The following RPS6KA2 variants were observed in gnomAD, a reference collection of about 807,000 sequenced individuals.
RPS6KA2 encodes the protein ribosomal protein S6 kinase alpha-2.
Under a neutral mutation model 91.8 loss-of-function variants are expected in RPS6KA2, and 42 were observed. That is an observed-to-expected ratio of 0.46 (90% CI 0.36 to 0.59). The LOEUF is 0.59. Among genes scored for constraint, RPS6KA2 ranks in the 20% least tolerant of loss-of-function variants. The pLI is 0.00. For missense variants in RPS6KA2, 798 were observed against 978.5 expected (o/e 0.82, Z 2.46); for synonymous variants, 414 against 393.6 (o/e 1.05, Z -0.61).
chr6:166,784,199 A>AT (rs1435493101), intron 2 of RPS6KA2, among the ~76,000 whole-genome samples: 224 of 1,814 alleles, frequency 0.12, 104 homozygotes, highest in East Asian at 1. Flanking sequence ...ACCTACGCAT[A>AT]ACCACATATG....
Position 166,551,264 on chromosome 6 carries a change from A to G in RPS6KA2, c.100-12480T>C, listed in dbSNP as rs951754385. Reference sequence around the variant, plus strand: ...CAATGTGAATGGTATTCTCCAATGCATAAATGAGATAATTGGGGCAATGGA... The same window carrying G: ...CAATGTGAATGGTATTCTCCAATGCGTAAATGAGATAATTGGGGCAATGGA... On this transcript the variant is annotated intron_variant, in intron 1 of 20. Transcript: ENST00000265678. 2.6e-5 allele frequency among the ~76,000 whole-genome samples: 4 copies of G among 152,242 alleles called. No individual in the cohort carries two copies. In the South Asian group the frequency reaches 8.3e-4, roughly 31 times the overall value.
intron 2 of RPS6KA2, among the ~76,000 whole-genome samples, chr6:166,771,685 G>A (rs933486740): frequency 1.3e-5 from 2 of 152,186 alleles, no homozygotes; most frequent in Non-Finnish European, 2.9e-5. Flanking sequence ...GAAGGAAGAA[G>A]CCAGAATTCA....
At chr6:166,646,133 GA>G (rs1217667036) in intron 2 of RPS6KA2, among the ~76,000 whole-genome samples, 1 of 152,192 alleles carries the variant, frequency 6.6e-6, no homozygotes, top group East Asian at 1.9e-4. Flanking sequence ...CTGAACCCAT[GA>G]CCCAGGGGTG....
chr6:166,424,322 GAAGT>G (rs140587071), intron 16 of RPS6KA2, among the ~76,000 whole-genome samples: 18,354 of 152,052 alleles, frequency 0.12, 3,470 homozygotes, highest in African/African-American at 0.41. Flanking sequence ...GGAAAACCTG[GAAGT>G]AAGTGCTTAA....
chr6:166,618,705 G>C (rs1465593339), intron 1 of RPS6KA2, among the ~76,000 whole-genome samples: 1 of 152,214 alleles, frequency 6.6e-6, no homozygotes, highest in African/African-American at 2.4e-5. Flanking sequence ...CCAAGCTTCG[G>C]GAGGGTAGGA....
At chr6:166,539,698 A>C (rs748575311) in intron 1 of RPS6KA2, among the ~76,000 whole-genome samples, 7 of 152,216 alleles carry the variant, frequency 4.6e-5, no homozygotes, top group Non-Finnish European at 1.0e-4. Context: ...TTTTCATCCC[A>C]GAGCTTCCTG....
intron 2 of RPS6KA2, among the ~76,000 whole-genome samples, chr6:166,667,486 G>C (rs1346898137): frequency 6.6e-6 from 1 of 152,210 alleles, no homozygotes; most frequent in Non-Finnish European, 1.5e-5. Flanking sequence ...CCTTGTGCCT[G>C]CCTTTGAATA....
At chr6:166,571,581 G>A (rs1423188485) in intron 1 of RPS6KA2, among the ~76,000 whole-genome samples, 3 of 152,098 alleles carry the variant, frequency 2.0e-5, no homozygotes, top group Non-Finnish European at 4.4e-5. Context: ...GGAATGAAAT[G>A]CACAGTTACA....
At chr6:166,750,286 A>G (rs1791237767) in intron 2 of RPS6KA2, among the ~76,000 whole-genome samples, 1 of 152,070 alleles carries the variant, frequency 6.6e-6, no homozygotes, top group Non-Finnish European at 1.5e-5. Context: ...GGGGGTGCTC[A>G]CCAGCCCAGG....
intron 1 of RPS6KA2, among the ~76,000 whole-genome samples, chr6:166,594,664 G>C (rs1477636731): frequency 1.3e-5 from 2 of 152,104 alleles, no homozygotes; most frequent in Non-Finnish European, 2.9e-5. Flanking sequence ...GAGCTTCACT[G>C]TGTTAGCCAG....
intron 2 of RPS6KA2, among the ~76,000 whole-genome samples, chr6:166,812,126 G>A (rs1012275698): frequency 3.9e-5 from 6 of 152,234 alleles, no homozygotes; most frequent in East Asian, 1.9e-4. Flanking sequence ...AGGCCAAGAC[G>A]GGAGGATCAA....
At chr6:166,483,486 C>T (rs1781304925) in intron 10 of RPS6KA2, among the ~76,000 whole-genome samples, 1 of 152,218 alleles carries the variant, frequency 6.6e-6, no homozygotes, top group Admixed American at 6.5e-5. Flanking sequence ...AAGGAAAAAT[C>T]AGGCCTGATT....
intron 2 of RPS6KA2, among the ~76,000 whole-genome samples, chr6:166,843,369 T>C (rs1780534662): frequency 6.6e-6 from 1 of 152,136 alleles, no homozygotes; most frequent in Admixed American, 6.5e-5. Context: ...ACCTGAATAC[T>C]TCAAAGGTGA....
intron 10 of RPS6KA2, among the ~76,000 whole-genome samples, chr6:166,477,993 G>GAA (rs1781040396): frequency 1.3e-5 from 2 of 152,238 alleles, no homozygotes; most frequent in African/African-American, 4.8e-5. Context: ...TGGCTCTCAT[G>GAA]TACGTTTGGA....
At chr6:166,679,774 GGGAGCTGGGGTTGCGA>G (rs1286124371) in intron 2 of RPS6KA2, among the ~76,000 whole-genome samples, 1 of 152,188 alleles carries the variant, frequency 6.6e-6, no homozygotes, top group Non-Finnish European at 1.5e-5. Context: ...CGGCGCGGGC[GGGAGCTGGGGTTGCGA>G]GTGGTGCTCA....
At chr6:166,800,441 TC>T (rs1373948785) in intron 2 of RPS6KA2, among the ~76,000 whole-genome samples, 3 of 152,266 alleles carry the variant, frequency 2.0e-5, no homozygotes, top group Admixed American at 6.5e-5. Context: ...AACACAAACG[TC>T]AGCATGACAG....
At chr6:166,789,235 C>CAGG (rs1779014108) in intron 2 of RPS6KA2, among the ~76,000 whole-genome samples, 1 of 152,218 alleles carries the variant, frequency 6.6e-6, no homozygotes, top group Non-Finnish European at 1.5e-5. Flanking sequence ...TCGGAGGGTC[C>CAGG]TACGCCCACG....
intron 10 of RPS6KA2, among the ~76,000 whole-genome samples, chr6:166,473,564 C>A (rs986163267): frequency 4.6e-5 from 7 of 152,296 alleles, no homozygotes; most frequent in Non-Finnish European, 7.3e-5. Context: ...CCATTCATTT[C>A]ATTGTGGGGA....
chr6:166,580,531 A>C, intron 1 of RPS6KA2, among the ~76,000 whole-genome samples: 2 of 152,358 alleles, frequency 1.3e-5, no homozygotes, highest in Middle Eastern at 6.8e-3. Context: ...GAAAGTTTAC[A>C]AATTTGTGTT....
Sources: allele counts gnomAD v4.1 joint callset (sites outside exome capture counted in the v4.1 genomes callset), GRCh38; gene constraint gnomAD v4.1.1; transcripts MANE v1.5; gene names NCBI Gene and HGNC (gene_info 2026-07-23, HGNC 2026-07-21).